TTLL9: variants seen among roughly 807,000 people sequenced by gnomAD.
TTLL9 encodes the protein tubulin tyrosine ligase like 9.
A neutral mutation model predicts 65.6 loss-of-function variants in TTLL9; 47 were observed. The ratio of observed to expected loss-of-function variants is 0.72; its 90% CI spans 0.57 to 0.91. The LOEUF is 0.91. Among genes scored for constraint, TTLL9 ranks in the 40% least tolerant of loss-of-function variants. The pLI is 0.00. For synonymous variants in TTLL9, 179 were observed against 204.8 expected (o/e 0.87, Z 1.07); for missense variants, 537 against 568.8 (o/e 0.94, Z 0.57).
At chr20:31,937,282 T>G in intron 12 of TTLL9, 114 bp from the exon 13 acceptor site, 1 of 664,606 alleles carries the variant, frequency 1.5e-6, no homozygotes, top group Admixed American at 2.7e-5. Flanking sequence ...GTAGAGAGAG[T>G]AGCCTGGATT....
At chr20:31,926,657 C>G (rs543129397) in intron 10 of TTLL9, among the ~76,000 whole-genome samples, 4 of 152,116 alleles carry the variant, frequency 2.6e-5, no homozygotes, top group Non-Finnish European at 4.4e-5. Flanking sequence ...AAATGAATGG[C>G]TCCTTTATAC....
intron 6 of TTLL9, among the ~76,000 whole-genome samples, chr20:31,912,180 T>C (rs1600579168): frequency 6.6e-6 from 1 of 152,206 alleles, no homozygotes; most frequent in African/African-American, 2.4e-5. Context: ...ACCATTTTCA[T>C]TGTTATTTCC....
At chr20:31,900,095 C>G (rs943048492) in intron 4 of TTLL9, among the ~76,000 whole-genome samples, 1 of 152,126 alleles carries the variant, frequency 6.6e-6, no homozygotes, top group South Asian at 2.1e-4. Context: ...CAGGGAAATA[C>G]AGGCTACATT....
chr20:31,919,751 G>A (rs74399667), intron 6 of TTLL9, 113 bp from the exon 7 acceptor site: 33 of 802,800 alleles, frequency 4.1e-5, no homozygotes, highest in African/African-American at 3.9e-4. Flanking sequence ...GGGGAGAGTT[G>A]GGGGTTCATA....
chr20:31,919,941 G>A lies in TTLL9; in HGVS notation c.573+9G>A. The A allele has an allele frequency of 6.3e-7, 1 of 1,577,300 alleles. No homozygotes were observed. The highest frequency in any genetic ancestry group is 8.6e-7 in the Non-Finnish European group (1 of 1,162,628). On this transcript the variant is annotated intron_variant, in intron 7 of 14. Coordinates refer to ENST00000535842, the MANE Select transcript of TTLL9 (RefSeq NM_001008409.5). ...TCGTGGACTGGAGGAAGGTGAGCCT[G>A]CCTCTTCCCCCTTCCTCCCTGAACC... is the stretch of plus-strand genomic sequence containing the variant.
rs2062908388 is a variant in TTLL9 at position 31,870,722 on chromosome 20, AC to A, written c.-229del. 6 of 638,212 alleles carry A rather than the reference AC, an allele frequency of 9.4e-6. No individual in the cohort carries two copies. Among genetic ancestry groups the A allele is most frequent in the Non-Finnish European group, 1.4e-5 (6 of 434,544 alleles). The allele number at this position is 638,212 out of a possible 1,614,324, so 39.5% of individuals were successfully genotyped here. On this transcript the variant is annotated 5_prime_UTR_variant, in exon 1 of 15. Coordinates refer to ENST00000535842, the MANE Select transcript of TTLL9 (RefSeq NM_001008409.5). This position sits in a 1 kb window ranked among gnomAD's most constrained non-coding sequence, Gnocchi z 6.6. ...CTCCGGAGGTGGGGGCGGGGGCCTTACCCCACCCTGGCACCGGCAGGCGCGG... is the reference window on the plus strand; with the variant it reads ...CTCCGGAGGTGGGGGCGGGGGCCTTACCCACCCTGGCACCGGCAGGCGCGG...
At chr20:31,927,446 A>C (rs1420514109) in intron 10 of TTLL9, among the ~76,000 whole-genome samples, 2 of 135,192 alleles carry the variant, frequency 1.5e-5, no homozygotes, top group African/African-American at 5.7e-5. Flanking sequence ...ACGCCATTGC[A>C]CTCCAGCCTG....
intron 2 of TTLL9, among the ~76,000 whole-genome samples, chr20:31,878,885 C>T (rs991065478): frequency 1.3e-5 from 2 of 151,998 alleles, no homozygotes; most frequent in Non-Finnish European, 2.9e-5. Context: ...TAATGAAATG[C>T]GTAGATCTTA....
chr20:31,939,860 C>T (rs1315584529), intron 14 of TTLL9: 1 of 152,202 alleles, frequency 6.6e-6, no homozygotes, highest in East Asian at 1.9e-4. Context: ...GACTCAAACT[C>T]CCATCTGCCT....
chr20:31,937,804 G>C (rs2064139199), intron 13 of TTLL9, among the ~76,000 whole-genome samples: 1 of 152,126 alleles, frequency 6.6e-6, no homozygotes, highest in African/African-American at 2.4e-5. Context: ...TCACCTTTCT[G>C]AGCCTCAGCT....
At chr20:31,912,613 G>A (rs62206297) in intron 6 of TTLL9, among the ~76,000 whole-genome samples, 1 of 111,728 alleles carries the variant, frequency 9.0e-6, no homozygotes, top group African/African-American at 3.7e-5. Context: ...ATGTGTGTGT[G>A]TGTGTGTGTG....
At chr20:31,900,161 G>A (rs1011328823) in intron 4 of TTLL9, among the ~76,000 whole-genome samples, 9 of 152,186 alleles carry the variant, frequency 5.9e-5, no homozygotes, top group Non-Finnish European at 1.3e-4. Flanking sequence ...AAAGGGATAG[G>A]AGGGGTAGCT....
chr20:31,895,005 G>T (rs1047564055), intron 3 of TTLL9, among the ~76,000 whole-genome samples: 1 of 151,946 alleles, frequency 6.6e-6, no homozygotes, highest in Admixed American at 6.6e-5. Flanking sequence ...TGCCCAGTCT[G>T]GTCTCCAACT....
At chr20:31,920,433 T>C (rs6058490) in intron 7 of TTLL9, among the ~76,000 whole-genome samples, 1 of 152,250 alleles carries the variant, frequency 6.6e-6, no homozygotes, top group Middle Eastern at 3.4e-3. Context: ...CAAGACACAG[T>C]ACAGTAGAAA....
chr20:31,903,694 C>T (rs1301558249), intron 4 of TTLL9, among the ~76,000 whole-genome samples: 1 of 152,108 alleles, frequency 6.6e-6, no homozygotes, highest in African/African-American at 2.4e-5. Flanking sequence ...TATTTTTAAA[C>T]TTTTTTATTT....
rs1568722328 is a variant in TTLL9 at position 31,873,730 on chromosome 20, GAAA to G, written c.69+2536_69+2538del. ...AGAAAGAAAGAAAGAAAGAAAGAAA[GAAA>G]GAAAAAGGAAGGAAGGAAGAAAGAA... On this transcript the variant is annotated intron_variant, in intron 2 of 14. Coordinates refer to ENST00000535842, the MANE Select transcript of TTLL9 (RefSeq NM_001008409.5). 5.8e-3 allele frequency among the ~76,000 whole-genome samples: 599 copies of G among 103,756 alleles called. 3 individuals carry two copies. The highest frequency in any genetic ancestry group is 9.9e-3 in the Non-Finnish European group (471 of 47,676). The allele number at this position is 103,756 out of a possible 152,430, so 68.1% of individuals were successfully genotyped here.
chr20:31,893,929 G>GTTC (rs1470915405), intron 3 of TTLL9, among the ~76,000 whole-genome samples: 120 of 151,912 alleles, frequency 7.9e-4, no homozygotes, highest in African/African-American at 2.8e-3. Flanking sequence ...AGTCACTGAG[G>GTTC]TTCTGTTCAT....
intron 6 of TTLL9, 23 bp downstream of exon 6, chr20:31,909,945 T>TG: frequency 1.3e-6 from 1 of 776,882 alleles, no homozygotes; most frequent in Non-Finnish European, 2.1e-6. Context: ...TGCCAGGGGC[T>TG]GGGTGGGAGG....
intron 13 of TTLL9, chr20:31,938,159 C>G (rs1382147720): frequency 2.2e-6 from 1 of 446,870 alleles, no homozygotes. Flanking sequence ...TCTGTATTAG[C>G]TTTTCCCCGA....
Sources: gnomAD v4.1 joint callset for allele counts (sites outside exome capture counted in the v4.1 genomes callset) on GRCh38, gnomAD v4.1.1 for gene constraint, Gnocchi (gnomAD v3.1) non-coding constraint, MANE v1.5 for transcripts, NCBI Gene and HGNC (gene_info 2026-07-23, HGNC 2026-07-21) for gene names.